LUZP2: variants seen among roughly 807,000 people sequenced by gnomAD.
LUZP2 encodes the protein leucine zipper protein 2.
A neutral mutation model predicts 51.6 loss-of-function variants in LUZP2; 52 were observed. The ratio of observed to expected loss-of-function variants is 1.01; its 90% confidence interval spans 0.81 to 1.27. The LOEUF is 1.27. LUZP2 is among the 50% of genes most tolerant of loss of function. The probability of loss-of-function intolerance (pLI) is 0.00; values close to 1 mark genes in which losing one functional copy is unlikely to be tolerated. For synonymous variants in LUZP2, 154 were observed against 137.3 expected (o/e 1.12, Z -0.85); for missense variants, 436 against 395.4 (o/e 1.10, Z -0.87).
At chr11:24,586,886 A>G (rs1204734625) in intron 1 of LUZP2, among the ~76,000 whole-genome samples, 2 of 152,120 alleles carry the variant, frequency 1.3e-5, no homozygotes, top group African/African-American at 2.4e-5. Context: ...TCTTCATTAT[A>G]TATCTCATTA....
intron 5 of LUZP2, among the ~76,000 whole-genome samples, chr11:24,774,372 A>G (rs372014612): frequency 2.0e-5 from 1 of 49,352 alleles, no homozygotes; most frequent in Non-Finnish European, 4.2e-5. Context: ...CTATATATAT[A>G]TATATATATA....
chr11:24,959,758 A>G (rs1032992285), intron 7 of LUZP2, among the ~76,000 whole-genome samples: 13 of 152,178 alleles, frequency 8.5e-5, no homozygotes, highest in Non-Finnish European at 1.3e-4. Flanking sequence ...TCACCTGCCT[A>G]ATTGCCCTGG....
chr11:24,510,322 A>C (rs1340763688), intron 1 of LUZP2, among the ~76,000 whole-genome samples: 1 of 152,238 alleles, frequency 6.6e-6, no homozygotes, highest in East Asian at 1.9e-4. Context: ...GGACTAAAGA[A>C]GATGGTGCCT....
At chr11:24,514,770 T>C (rs956616945) in intron 1 of LUZP2, among the ~76,000 whole-genome samples, 3 of 152,158 alleles carry the variant, frequency 2.0e-5, no homozygotes, top group Non-Finnish European at 4.4e-5. Context: ...TTAAAAGAAT[T>C]CTCCCCACTG....
At chr11:24,552,837 T>G (rs1333947926) in intron 1 of LUZP2, among the ~76,000 whole-genome samples, 1 of 151,742 alleles carries the variant, frequency 6.6e-6, no homozygotes, top group Non-Finnish European at 1.5e-5. Context: ...ATTAAAAAAG[T>G]CTTTTATACT....
At chr11:25,012,732 TG>T (rs1010749259) in intron 9 of LUZP2, among the ~76,000 whole-genome samples, 9 of 152,176 alleles carry the variant, frequency 5.9e-5, no homozygotes, top group African/African-American at 1.9e-4. Flanking sequence ...TAATAGATGC[TG>T]GTGAGGATGC....
chr11:24,954,734 T>G (rs935985761), intron 7 of LUZP2, among the ~76,000 whole-genome samples: 1 of 152,038 alleles, frequency 6.6e-6, no homozygotes, highest in Admixed American at 6.6e-5. Flanking sequence ...ATTCTATTGG[T>G]GTACATCCAC....
chr11:24,761,814 C>T (rs1859989593), intron 4 of LUZP2, among the ~76,000 whole-genome samples: 2 of 151,912 alleles, frequency 1.3e-5, no homozygotes. Context: ...TTGATTTTCT[C>T]ATAATTTAGG....
At chr11:25,065,900 C>A (rs1038262782) in intron 10 of LUZP2, among the ~76,000 whole-genome samples, 5 of 152,000 alleles carry the variant, frequency 3.3e-5, no homozygotes, top group African/African-American at 1.2e-4. Flanking sequence ...TGACTACGTT[C>A]TATGACACAT....
intron 4 of LUZP2, among the ~76,000 whole-genome samples, chr11:24,758,913 TA>T (rs1226107500): frequency 6.6e-6 from 1 of 152,048 alleles, no homozygotes; most frequent in Non-Finnish European, 1.5e-5. Flanking sequence ...TCATTGAATT[TA>T]AAAAATATGA....
intron 5 of LUZP2, among the ~76,000 whole-genome samples, chr11:24,775,298 G>A (rs561103549): frequency 6.6e-6 from 1 of 152,248 alleles, no homozygotes; most frequent in South Asian, 2.1e-4. Flanking sequence ...GTTTATTAAT[G>A]TGCATAAAGT....
intron 5 of LUZP2, among the ~76,000 whole-genome samples, chr11:24,812,230 C>A (rs1850044255): frequency 6.6e-6 from 1 of 152,040 alleles, no homozygotes; most frequent in Admixed American, 6.6e-5. Flanking sequence ...ACAACATTTT[C>A]ATCCATATTT....
At position 24,914,552 on chromosome 11, in the gene LUZP2, C is replaced by G. The variant is rs375069284; in HGVS notation, c.522+14C>G. ...TTATTATTTAAGGTGAGTCTCTTTT[C>G]TCTCTTTTCCCTGAAACTTGCTAGC... On this transcript the variant is annotated intron_variant, in intron 7 of 11. Transcript: ENST00000336930. The G allele has an allele frequency of 9.6e-6, 15 of 1,569,540 alleles. No homozygotes were observed. The African/African-American group carries it at 2.1e-4, about 22-fold the overall frequency.
intron 6 of LUZP2, among the ~76,000 whole-genome samples, chr11:24,906,590 T>TTCTCA (rs1414703320): frequency 6.6e-6 from 1 of 152,208 alleles, no homozygotes; most frequent in Non-Finnish European, 1.5e-5. Context: ...TTTTCTATAT[T>TTCTCA]TCTCATCTCC....
intron 1 of LUZP2, among the ~76,000 whole-genome samples, chr11:24,510,596 C>G (rs929129779): frequency 1.3e-5 from 2 of 152,162 alleles, no homozygotes. Context: ...CAAACAGCTG[C>G]ATTCTAACTT....
chr11:24,897,601 G>C (rs927441569), intron 5 of LUZP2, among the ~76,000 whole-genome samples: 1 of 152,116 alleles, frequency 6.6e-6, no homozygotes, highest in Non-Finnish European at 1.5e-5. Context: ...CCAGAAGGAA[G>C]AAACTCTGAC....
In LUZP2 at chr11:24,624,186, C is replaced by G. The variant is rs573244315; in HGVS notation, c.63-104983C>G. 6.6e-5 allele frequency among the ~76,000 whole-genome samples: 10 copies of G among 152,236 alleles called. No homozygotes were observed. The South Asian group carries it at 2.1e-3, about 32-fold the overall frequency. On this transcript the variant is annotated intron_variant, in intron 1 of 11. Coordinates refer to ENST00000336930, the MANE Select transcript of LUZP2 (RefSeq NM_001009909.4). The stretch of plus-strand genomic sequence containing the variant: ...GCTAGTATAAGAAAAATACTAATCA[C>G]AATGCCAGAATTTCAGACTTAATAA...
At chr11:24,780,377 T>G (rs1237682592) in intron 5 of LUZP2, among the ~76,000 whole-genome samples, 1 of 152,108 alleles carries the variant, frequency 6.6e-6, no homozygotes, top group African/African-American at 2.4e-5. Flanking sequence ...AGAGAGGAAA[T>G]AAAATCAATT....
At chr11:25,036,529 C>CTT (rs34981744) in intron 9 of LUZP2, among the ~76,000 whole-genome samples, 2,664 of 150,130 alleles carry the variant, frequency 0.018, 75 homozygotes, top group African/African-American at 0.06. Context: ...TTAGTTTGTT[C>CTT]TTTTTTTTTG....
Sources: allele counts gnomAD v4.1 joint callset (sites outside exome capture counted in the v4.1 genomes callset), GRCh38; gene constraint gnomAD v4.1.1; transcripts MANE v1.5; gene names NCBI Gene and HGNC (gene_info 2026-07-23, HGNC 2026-07-21).